ZNF608: variants seen among roughly 807,000 people sequenced by gnomAD.
ZNF608 encodes the protein renal carcinoma antigen NY-REN-36.
A neutral mutation model predicts 109.0 loss-of-function variants in ZNF608; 12 were observed. The observed-to-expected ratio is 0.11, with a 90% CI of 0.07 to 0.18. The LOEUF (loss-of-function observed/expected upper bound fraction) is 0.18, where lower values mean the gene tolerates loss of function less well. Among genes scored for constraint, ZNF608 ranks in the 10% least tolerant of loss-of-function variants. The pLI is 1.00. For missense variants in ZNF608, 1,707 were observed against 1,879.3 expected (o/e 0.91, Z 1.70); for synonymous variants, 732 against 717.4 (o/e 1.02, Z -0.33).
At position 124,641,315 on chromosome 5, in the gene ZNF608, G is replaced by T; in HGVS notation, c.4387C>A (p.His1463Asn). The T allele has an allele frequency of 6.2e-7, 1 of 1,614,008 alleles. No homozygotes were observed. Among genetic ancestry groups the T allele is most frequent in the Non-Finnish European group, 8.5e-7 (1 of 1,180,032 alleles). The change falls in exon 8 of 10, where the codon CAC (histidine) becomes AAC (asparagine). Residue 1463 changes from histidine to asparagine, a missense_variant. Physicochemically the swap from His to Asn is moderately conservative, Grantham distance 68 (BLOSUM62 1). This residue lies in a region of ZNF608 where 1,073 missense variants were observed against 1,133.5 expected (regional missense o/e 0.95). Transcript: ENST00000513986. ...CCCATGCCAACGTGGGTGTGGTGGT[G>T]CGTGTGCAGGTGCCGCTGGCCGAAG... ...SPFGQRHLHT[H>N]HHTHVGMGYP...
At chr5:124,708,735 C>T (rs11241764) in intron 2 of ZNF608, 134,062 of 455,742 alleles carry the variant, frequency 0.29, 21,584 homozygotes, top group Middle Eastern at 0.44. Context: ...CAACCCTGCC[C>T]TCAAGTGCTG....
At chr5:124,741,925 C>G (rs980861356) in intron 2 of ZNF608, among the ~76,000 whole-genome samples, 1 of 152,162 alleles carries the variant, frequency 6.6e-6, no homozygotes, top group Non-Finnish European at 1.5e-5. Context: ...GCCCCTGGAT[C>G]CAAGCCTTTG....
rs370818336 is a variant in ZNF608 at position 124,740,873 on chromosome 5, C to A, written c.906+3211G>T. ...TTGAATTTTCCAGAAATCAAATAAA[C>A]CCATCAACTTTACATATAAACTGTT... On this transcript the variant is annotated intron_variant, in intron 2 of 9. Transcript: ENST00000513986. 4.6e-5 allele frequency among the ~76,000 whole-genome samples: 7 copies of A among 152,238 alleles called. No individual in the cohort carries two copies. The East Asian group carries it at 1.2e-3, about 25-fold the overall frequency.
At position 124,712,029 on chromosome 5, in the gene ZNF608, C is replaced by T. The variant is rs141061140; in HGVS notation, c.907-10760G>A. 1.8e-4 allele frequency among the ~76,000 whole-genome samples: 28 copies of T among 152,238 alleles called. 1 individual carries two copies. In the East Asian group the frequency reaches 5.0e-3, roughly 27 times the overall value. On this transcript the variant is annotated intron_variant, in intron 2 of 9. Transcript: ENST00000513986. ...CCGGGTGTAGGTGTGTGCCTATAAT[C>T]CCAGGTACTCGGGAGGCTGAGGCAG...
At chr5:124,721,843 G>A (rs1753916955) in intron 2 of ZNF608, among the ~76,000 whole-genome samples, 1 of 145,522 alleles carries the variant, frequency 6.9e-6, no homozygotes, top group Admixed American at 7.0e-5. Flanking sequence ...AAGGAAGGCT[G>A]TAGCAGGAGA....
In ZNF608 at chr5:124,648,952, C is replaced by G; in HGVS notation, c.1432G>C (p.Gly478Arg). The G allele has an allele frequency of 6.2e-7, 1 of 1,613,972 alleles. No homozygotes were observed. The highest frequency in any genetic ancestry group is 8.5e-7 in the Non-Finnish European group (1 of 1,179,982). Reference sequence around the variant, plus strand: ...GCACAATTTGGGGGTGTCCTTCGTCCGCTGGCATTGAGGCTGCCCCGCCTC... The same window carrying G: ...GCACAATTTGGGGGTGTCCTTCGTCGGCTGGCATTGAGGCTGCCCCGCCTC... ...KGRRGSLNAS[G>R]RRTPPNCAAE... The change falls in exon 5 of 10, where the codon GGA (glycine) becomes CGA (arginine). Residue 478 changes from glycine to arginine, a missense_variant. Transcript: ENST00000513986.
At chr5:124,738,894 T>TA in intron 2 of ZNF608, among the ~76,000 whole-genome samples, 1 of 152,292 alleles carries the variant, frequency 6.6e-6, no homozygotes, top group Middle Eastern at 3.4e-3. Flanking sequence ...GCCACCACGT[T>TA]AAAAAACCAG....
chr5:124,748,137 A>T (rs1057348975), upstream of ZNF608, among the ~76,000 whole-genome samples: 13 of 152,172 alleles, frequency 8.5e-5, no homozygotes, highest in Middle Eastern at 3.2e-3. Context: ...AGGAGACAGA[A>T]ATCGGCTTGT....
At chr5:124,711,572 C>T (rs1402406896) in intron 2 of ZNF608, among the ~76,000 whole-genome samples, 1 of 152,186 alleles carries the variant, frequency 6.6e-6, no homozygotes, top group African/African-American at 2.4e-5. Context: ...CATGTATTAA[C>T]CCCAGGCCCT....
At position 124,744,222 on chromosome 5, in the gene ZNF608, C is replaced by A. The variant is rs1026728453; in HGVS notation, c.768G>T (p.Gly256=). 1 of 1,613,900 alleles carries A rather than the reference C, an allele frequency of 6.2e-7. No individual in the cohort carries two copies. Among genetic ancestry groups the A allele is most frequent in the Middle Eastern group, 1.7e-4 (1 of 6,060 alleles). Residue 256 remains glycine, a synonymous_variant, in exon 2 of 10, where the codon GGG becomes GGT. Coordinates refer to ENST00000513986, the MANE Select transcript of ZNF608 (RefSeq NM_020747.3). This position sits in a 1 kb window ranked among gnomAD's most constrained non-coding sequence, Gnocchi z 4.5. ...CCCCTGCAGCGGCGACGCTGCCACT[C>A]CCAGTGCCCCCGCAGTGGAAGGGGC... The part of the protein sequence containing the change: ...GASPFHCGGT[G]SGSVAAAGEV...
chr5:124,739,801 T>A (rs918952283), intron 2 of ZNF608, among the ~76,000 whole-genome samples: 1 of 152,144 alleles, frequency 6.6e-6, no homozygotes, highest in Non-Finnish European at 1.5e-5. Context: ...AGCCATTCAA[T>A]CCCTCTTTTT....
In ZNF608 at chr5:124,647,313, C is replaced by T. The variant is rs372068921; in HGVS notation, c.3071G>A (p.Ser1024Asn). 2 of 1,614,230 alleles carry T rather than the reference C, an allele frequency of 1.2e-6. No homozygotes were observed. The highest frequency in any genetic ancestry group is 1.7e-6 in the Non-Finnish European group (2 of 1,180,046). Residue 1024 changes from serine to asparagine, a missense_variant, in exon 5 of 10, where the codon AGC becomes AAC. By Grantham distance (46) the Ser-to-Asn change is conservative (BLOSUM62 1). Around this residue, in one of 7 missense-constraint regions of ZNF608, gnomAD observed 1,073 missense variants for 1,133.5 expected, o/e 0.95. Transcript: ENST00000513986. ...CTTCTTGATCTTCATTCCCTGCGTG[C>T]TCCCACTATTTCCAGCTGCAGGGGC... Reference protein sequence around the residue: ...VGAPAAGNSGSTQGMKIKKES... With the variant: ...VGAPAAGNSGNTQGMKIKKES...
chr5:124,723,238 G>T (rs1048673521), intron 2 of ZNF608, among the ~76,000 whole-genome samples: 10 of 151,934 alleles, frequency 6.6e-5, no homozygotes, highest in African/African-American at 1.9e-4. Context: ...TGCATTCCTG[G>T]TCTCAGGTGA....
chr5:124,716,276 G>C (rs992732548), intron 2 of ZNF608, among the ~76,000 whole-genome samples: 2 of 150,220 alleles, frequency 1.3e-5, no homozygotes, highest in Non-Finnish European at 2.9e-5. Flanking sequence ...TTTTTCCATA[G>C]CACATTAAAA....
intron 3 of ZNF608, among the ~76,000 whole-genome samples, chr5:124,671,941 T>A (rs1751746117): frequency 6.6e-6 from 1 of 152,158 alleles, no homozygotes; most frequent in South Asian, 2.1e-4. Context: ...TCCAGCCCCC[T>A]TGGGCTTCTT....
At chr5:124,717,294 T>C (rs2149874697) in intron 2 of ZNF608, among the ~76,000 whole-genome samples, 1 of 151,358 alleles carries the variant, frequency 6.6e-6, no homozygotes, top group Non-Finnish European at 1.5e-5. Context: ...AGAGAAACCC[T>C]GTCTCTACTA....
At chr5:124,707,112 G>GT (rs1249016064) in intron 2 of ZNF608, among the ~76,000 whole-genome samples, 3 of 152,190 alleles carry the variant, frequency 2.0e-5, no homozygotes, top group African/African-American at 7.2e-5. Flanking sequence ...AAGCTGGAGT[G>GT]TTGGTGGGGA....
intron 3 of ZNF608, among the ~76,000 whole-genome samples, chr5:124,697,387 C>T (rs1752893911): frequency 6.6e-6 from 1 of 151,554 alleles, no homozygotes; most frequent in Non-Finnish European, 1.5e-5. Flanking sequence ...TTTTAAAGAG[C>T]AAATTTTCAA....
intron 2 of ZNF608, chr5:124,734,553 A>G (rs1580714899): frequency 1.3e-5 from 2 of 152,166 alleles, no homozygotes; most frequent in African/African-American, 2.4e-5. Flanking sequence ...ACAGGAACCC[A>G]CCTACTATAC....
Sources: gnomAD v4.1 joint callset for allele counts (sites outside exome capture counted in the v4.1 genomes callset) on GRCh38, gnomAD v4.1.1 for gene constraint, gnomAD v4.1.1 regional missense constraint, Gnocchi (gnomAD v3.1) non-coding constraint, MANE v1.5 for transcripts, NCBI Gene and HGNC (gene_info 2026-07-23, HGNC 2026-07-21) for gene names.